GALNTL6: variants seen among roughly 807,000 people sequenced by gnomAD.
GALNTL6 encodes the protein polypeptide N-acetylgalactosaminyltransferase like 6, also known as polypeptide N-acetylgalactosaminyltransferase-like 6.
GALNTL6 carries 46 observed loss-of-function variants against 73.7 expected under a neutral mutation model. That is an observed-to-expected ratio of 0.62 (90% CI 0.49 to 0.80). The LOEUF is 0.80. Ranked by LOEUF, GALNTL6 falls within the 30% of genes least tolerant of loss-of-function variation. The probability of loss-of-function intolerance (pLI) is 0.00; values close to 1 mark genes in which losing one functional copy is unlikely to be tolerated. For synonymous variants in GALNTL6, 259 were observed against 263.7 expected (o/e 0.98, Z 0.17); for missense variants, 604 against 755.0 (o/e 0.80, Z 2.34).
chr4:172,352,230 T>A (rs1022455504), intron 5 of GALNTL6, among the ~76,000 whole-genome samples: 1 of 152,116 alleles, frequency 6.6e-6, no homozygotes, highest in African/African-American at 2.4e-5. Flanking sequence ...TCAAAATGCT[T>A]TAAAAAAAGT....
Position 171,903,451 on chromosome 4 carries a change from C to T in GALNTL6, c.138+88733C>T, listed in dbSNP as rs187131510. Among the ~76,000 whole-genome samples the T allele has an allele frequency of 1.1e-3, 168 of 152,234 alleles. 1 individual carries two copies. The highest frequency in any genetic ancestry group is 2.3e-3 in the Admixed American group (35 of 15,306). ...CTTTGCCGAAGGGCTTAAAAAACGG[C>T]ACACCAGGAGATTAAATCCCTCACG... On this transcript the variant is annotated intron_variant, in intron 2 of 12. Transcript: ENST00000506823.
At chr4:172,910,342 C>T (rs1360544139) in intron 8 of GALNTL6, among the ~76,000 whole-genome samples, 1 of 152,154 alleles carries the variant, frequency 6.6e-6, no homozygotes, top group African/African-American at 2.4e-5. Flanking sequence ...TTAAATCAGC[C>T]AGTATTACAA....
intron 7 of GALNTL6, among the ~76,000 whole-genome samples, chr4:172,834,362 A>G (rs1485638362): frequency 1.3e-5 from 2 of 152,150 alleles, no homozygotes; most frequent in Non-Finnish European, 2.9e-5. Flanking sequence ...GAGCAGTCCC[A>G]AGGCTGGAGT....
intron 5 of GALNTL6, among the ~76,000 whole-genome samples, chr4:172,420,049 C>T (rs1486865338): frequency 6.6e-6 from 1 of 152,104 alleles, no homozygotes; most frequent in East Asian, 1.9e-4. Context: ...GGATATCGTA[C>T]CATTATGTGC....
chr4:172,721,998 T>C lies in GALNTL6; in HGVS notation c.554-87363T>C, dbSNP rs562686455. On this transcript the variant is annotated intron_variant, in intron 5 of 12. Coordinates refer to ENST00000506823, the MANE Select transcript of GALNTL6 (RefSeq NM_001034845.3). The stretch of plus-strand genomic sequence containing the variant: ...AGGTGGCGGAAGGCTTTTTTTTTTT[T>C]TCCCAAAATCGTGACTCCCTAATTT... 1.6e-4 allele frequency among the ~76,000 whole-genome samples: 20 copies of C among 121,612 alleles called. 1 individual carries two copies. Among genetic ancestry groups the C allele is most frequent in the South Asian group, 3.1e-4 (1 of 3,236 alleles). 79.8% of individuals were successfully genotyped at this position (121,612 alleles called of 152,430 possible).
intron 2 of GALNTL6, among the ~76,000 whole-genome samples, chr4:172,069,577 TATATATTA>T (rs1448509439): frequency 2.1e-4 from 1 of 4,668 alleles, no homozygotes; most frequent in Non-Finnish European, 3.3e-3. Flanking sequence ...ACATATATGT[TATATATTA>T]TATATATAAC....
chr4:172,740,444 G>A (rs1367487109), intron 5 of GALNTL6, among the ~76,000 whole-genome samples: 1 of 152,024 alleles, frequency 6.6e-6, no homozygotes, highest in Non-Finnish European at 1.5e-5. Flanking sequence ...CACTGACTCT[G>A]GAATAATGAA....
At chr4:171,858,145 A>G (rs894973331) in intron 2 of GALNTL6, among the ~76,000 whole-genome samples, 3 of 152,182 alleles carry the variant, frequency 2.0e-5, no homozygotes, top group African/African-American at 4.8e-5. Flanking sequence ...AATTATGTAT[A>G]AAGTGTTATT....
At chr4:172,231,515 A>G (rs1737070081) in intron 3 of GALNTL6, among the ~76,000 whole-genome samples, 1 of 152,268 alleles carries the variant, frequency 6.6e-6, no homozygotes, top group East Asian at 1.9e-4. Flanking sequence ...GGTCCATTAT[A>G]CTCCACTGTC....
chr4:172,926,999 G>T (rs966647476), intron 8 of GALNTL6, among the ~76,000 whole-genome samples: 2 of 152,090 alleles, frequency 1.3e-5, no homozygotes, highest in African/African-American at 4.8e-5. Context: ...ATTTTCTATT[G>T]CTTGTCTCAC....
intron 2 of GALNTL6, among the ~76,000 whole-genome samples, chr4:171,990,783 G>T (rs1024660630): frequency 2.6e-5 from 4 of 152,108 alleles, no homozygotes; most frequent in African/African-American, 9.7e-5. Flanking sequence ...ACAAACTTAG[G>T]AAATTAATAG....
chr4:171,949,048 A>G (rs1738788974), intron 2 of GALNTL6, among the ~76,000 whole-genome samples: 1 of 152,084 alleles, frequency 6.6e-6, no homozygotes, highest in Non-Finnish European at 1.5e-5. Flanking sequence ...GAGTGCGTCC[A>G]AAAAGGAATT....
At chr4:172,159,290 G>A (rs1030000564) in intron 2 of GALNTL6, among the ~76,000 whole-genome samples, 1 of 152,164 alleles carries the variant, frequency 6.6e-6, no homozygotes, top group Non-Finnish European at 1.5e-5. Context: ...TCTAGGCACT[G>A]GAAGGTTAAT....
At chr4:172,278,899 C>T (rs191354766) in intron 3 of GALNTL6, among the ~76,000 whole-genome samples, 4 of 152,126 alleles carry the variant, frequency 2.6e-5, no homozygotes, top group South Asian at 4.2e-4. Context: ...CAATAGAGTC[C>T]AGAAATACAC....
At chr4:172,167,604 A>C (rs2110809687) in intron 2 of GALNTL6, among the ~76,000 whole-genome samples, 1 of 152,378 alleles carries the variant, frequency 6.6e-6, no homozygotes, top group South Asian at 2.1e-4. Flanking sequence ...AAATGGAGCA[A>C]AAATTATATT....
intron 2 of GALNTL6, among the ~76,000 whole-genome samples, chr4:172,163,170 G>A (rs547485456): frequency 6.6e-5 from 10 of 152,012 alleles, no homozygotes; most frequent in African/African-American, 2.2e-4. Flanking sequence ...CTATTCAAAT[G>A]CATTTATAAT....
At chr4:172,019,853 C>G (rs10434400) in intron 2 of GALNTL6, among the ~76,000 whole-genome samples, 18,528 of 152,100 alleles carry the variant, frequency 0.12, 2,849 homozygotes, top group African/African-American at 0.36. Context: ...TTTCATCCAA[C>G]AACTGCAGAA....
chr4:172,124,840 G>A lies in GALNTL6; in HGVS notation c.139-104816G>A, dbSNP rs541424158. On this transcript the variant is annotated intron_variant, in intron 2 of 12. Transcript: ENST00000506823. ...AATGTAAACAGAAAATTAGGACCTT[G>A]AGCAAGGGAATACATGGCTCTTAGT... Among the ~76,000 whole-genome samples, 10 of 152,218 alleles carry A rather than the reference G, an allele frequency of 6.6e-5. No homozygotes were observed. The South Asian group carries it at 2.1e-3, about 32-fold the overall frequency.
intron 10 of GALNTL6, among the ~76,000 whole-genome samples, chr4:172,963,418 T>A (rs2126384902): frequency 6.6e-6 from 1 of 152,338 alleles, no homozygotes; most frequent in South Asian, 2.1e-4. Context: ...CCATGTAATT[T>A]ATTTTTTTAT....
Sources: gnomAD v4.1 joint callset for allele counts (sites outside exome capture counted in the v4.1 genomes callset) on GRCh38, gnomAD v4.1.1 for gene constraint, MANE v1.5 for transcripts, NCBI Gene and HGNC (gene_info 2026-07-23, HGNC 2026-07-21) for gene names.